The following STK24 variants were observed in gnomAD, a reference collection of about 807,000 sequenced individuals.
The protein encoded by STK24 is serine/threonine-protein kinase 24.
STK24 carries 21 observed loss-of-function variants against 55.6 expected under a neutral mutation model. That is an observed-to-expected ratio of 0.38 (90% CI 0.27 to 0.54). The LOEUF is 0.54. Among genes scored for constraint, STK24 ranks in the 20% least tolerant of loss-of-function variants. The pLI is 0.79. For missense variants in STK24, 383 were observed against 538.4 expected (o/e 0.71, Z 2.86); for synonymous variants, 200 against 215.2 (o/e 0.93, Z 0.62).
intron 1 of STK24, 101 bp downstream of exon 1, chr13:98,576,644 A>T: frequency 9.5e-7 from 1 of 1,055,076 alleles, no homozygotes; most frequent in Non-Finnish European, 1.3e-6. Flanking sequence ...CTCCGGCGCG[A>T]CCCCGGCCGG....
At chr13:98,465,185 C>G (rs1490605932) in intron 6 of STK24, among the ~76,000 whole-genome samples, 1 of 152,222 alleles carries the variant, frequency 6.6e-6, no homozygotes, top group Non-Finnish European at 1.5e-5. Flanking sequence ...AGTTCCCACT[C>G]ACTCCAAATT....
At position 98,472,567 on chromosome 13, in the gene STK24, C is replaced by T. The variant is rs191670068; in HGVS notation, c.597+2254G>A. 5.3e-5 allele frequency among the ~76,000 whole-genome samples: 8 copies of T among 152,192 alleles called. No homozygotes were observed. The South Asian group carries it at 1.5e-3, about 28-fold the overall frequency. Reference sequence around the variant, plus strand: ...TTCAGGAGAGGAGGGAGTGTGCTGTCGTGATCACAGTTGTATTCACAGTGC... The same window carrying T: ...TTCAGGAGAGGAGGGAGTGTGCTGTTGTGATCACAGTTGTATTCACAGTGC... On this transcript the variant is annotated intron_variant, in intron 5 of 10. Coordinates refer to ENST00000539966, the MANE Select transcript of STK24 (RefSeq NM_001032296.4).
Position 98,469,138 on chromosome 13 carries a change from C to G in STK24, c.598-2577G>C, listed in dbSNP as rs1351255576. ...GCCTGCTTGCGAACGCCTGCTTCTG[C>G]ACGCAGTGTGCACCACGGGAAGTTC... On this transcript the variant is annotated intron_variant, in intron 5 of 10. Coordinates refer to ENST00000539966, the MANE Select transcript of STK24 (RefSeq NM_001032296.4). Among the ~76,000 whole-genome samples, 3 of 152,356 alleles carry G rather than the reference C, an allele frequency of 2.0e-5. No individual in the cohort carries two copies. In the East Asian group the frequency reaches 5.8e-4, roughly 29 times the overall value.
At chr13:98,567,956 G>T (rs1299656192) in intron 1 of STK24, among the ~76,000 whole-genome samples, 1 of 147,396 alleles carries the variant, frequency 6.8e-6, no homozygotes, top group Non-Finnish European at 1.5e-5. Flanking sequence ...GGGGGGGTGG[G>T]GAGTAGAGGA....
chr13:98,487,020 A>G (rs1894833542), intron 2 of STK24, among the ~76,000 whole-genome samples: 1 of 152,230 alleles, frequency 6.6e-6, no homozygotes, highest in Non-Finnish European at 1.5e-5. Context: ...CTTTATCAAC[A>G]TCATCACCCA....
chr13:98,537,438 T>C (rs1361623932), intron 1 of STK24, among the ~76,000 whole-genome samples: 1 of 152,090 alleles, frequency 6.6e-6, no homozygotes, highest in East Asian at 1.9e-4. Context: ...ATCAGCTGAA[T>C]AAACAAGTGA....
At chr13:98,520,014 A>C (rs1261560163) in intron 1 of STK24, among the ~76,000 whole-genome samples, 1 of 152,214 alleles carries the variant, frequency 6.6e-6, no homozygotes, top group South Asian at 2.1e-4. Flanking sequence ...CAGATTCCAG[A>C]AAACAATAAG....
chr13:98,543,790 T>C (rs573708895), intron 1 of STK24, among the ~76,000 whole-genome samples: 58 of 152,304 alleles, frequency 3.8e-4, no homozygotes, highest in African/African-American at 1.3e-3. Context: ...CGGTCATCAA[T>C]GGCTTCTATT....
intron 1 of STK24, among the ~76,000 whole-genome samples, chr13:98,548,682 C>A (rs1168853629): frequency 6.6e-6 from 1 of 151,766 alleles, no homozygotes; most frequent in Non-Finnish European, 1.5e-5. Context: ...GCCAACATGG[C>A]GAAACTTTGT....
At chr13:98,524,645 A>C (rs1896370103) in intron 1 of STK24, among the ~76,000 whole-genome samples, 1 of 152,228 alleles carries the variant, frequency 6.6e-6, no homozygotes, top group South Asian at 2.1e-4. Context: ...TAGGTTGCTA[A>C]GTGATATAGC....
chr13:98,560,348 A>G (rs966829752), intron 1 of STK24, among the ~76,000 whole-genome samples: 4 of 152,130 alleles, frequency 2.6e-5, no homozygotes, highest in African/African-American at 9.7e-5. Context: ...CTGCCCTGCC[A>G]CTCAAAATGC....
chr13:98,569,215 G>T (rs1897669641), intron 1 of STK24, among the ~76,000 whole-genome samples: 2 of 152,096 alleles, frequency 1.3e-5, no homozygotes, highest in South Asian at 4.1e-4. Flanking sequence ...CTAAAACACA[G>T]TGGAGAAACA....
At chr13:98,458,673 A>C (rs574759298) in intron 9 of STK24, among the ~76,000 whole-genome samples, 1 of 152,284 alleles carries the variant, frequency 6.6e-6, no homozygotes, top group African/African-American at 2.4e-5. Flanking sequence ...CCCGCCCCTA[A>C]GTCTCAAAGA....
chr13:98,479,044 G>GGA lies in STK24; in HGVS notation c.330+3219_330+3220dup, dbSNP rs1266248129. ...TGGCCAGAGCAGCCCCTGACACGCGGGAGGCACACAACTCTATGCTGAATG... is the reference window on the plus strand; with the variant it reads ...TGGCCAGAGCAGCCCCTGACACGCGGGAGAGGCACACAACTCTATGCTGAATG... On this transcript the variant is annotated intron_variant, in intron 3 of 10. Coordinates refer to ENST00000539966, the MANE Select transcript of STK24 (RefSeq NM_001032296.4). Among the ~76,000 whole-genome samples the GGA allele has an allele frequency of 2.6e-5, 4 of 152,304 alleles. No individual in the cohort carries two copies. In the East Asian group the frequency reaches 5.8e-4, roughly 22 times the overall value.
intron 1 of STK24, among the ~76,000 whole-genome samples, chr13:98,575,406 T>TATACACAC (rs765968352): frequency 6.7e-6 from 1 of 148,430 alleles, no homozygotes; most frequent in Non-Finnish European, 1.5e-5. Context: ...TGCTTATATA[T>TATACACAC]ACACACACAC....
chr13:98,474,720 C>T, intron 5 of STK24, 101 bp downstream of exon 5: 1 of 1,440,068 alleles, frequency 6.9e-7, no homozygotes, highest in East Asian at 2.3e-5. Context: ...CCTCAAGGTA[C>T]CAGCTTCGTT....
intron 2 of STK24, among the ~76,000 whole-genome samples, chr13:98,491,833 G>A (rs1163532611): frequency 6.6e-6 from 1 of 151,932 alleles, no homozygotes; most frequent in Non-Finnish European, 1.5e-5. Context: ...ATAACTTCCA[G>A]TTACTATAAC....
chr13:98,481,981 C>T (rs1026726173), intron 3 of STK24, among the ~76,000 whole-genome samples: 1 of 151,648 alleles, frequency 6.6e-6, no homozygotes, highest in Non-Finnish European at 1.5e-5. Context: ...GCACAAAAAT[C>T]GCTTGTACCC....
chr13:98,490,766 T>A (rs190358991), intron 2 of STK24, among the ~76,000 whole-genome samples: 185 of 149,152 alleles, frequency 1.2e-3, no homozygotes, highest in Middle Eastern at 3.5e-3. Flanking sequence ...AACAAAAACG[T>A]CCAACTTAGG....
Sources: allele counts gnomAD v4.1 joint callset (sites outside exome capture counted in the v4.1 genomes callset), GRCh38; gene constraint gnomAD v4.1.1; transcripts MANE v1.5; gene names NCBI Gene and HGNC (gene_info 2026-07-23, HGNC 2026-07-21).